The following FAM83G variants were observed in gnomAD, a reference collection of about 807,000 sequenced individuals.
FAM83G encodes the protein protein FAM83G.
In FAM83G, 38 loss-of-function variants were observed where a neutral mutation model predicts 61.5. The ratio of observed to expected loss-of-function variants is 0.62; its 90% confidence interval spans 0.48 to 0.81. The LOEUF (loss-of-function observed/expected upper bound fraction) is 0.81. Ranked by LOEUF, FAM83G falls within the 30% of genes least tolerant of loss-of-function variation. The pLI, the probability that FAM83G is intolerant of heterozygous loss-of-function variation, is 0.00. For synonymous variants in FAM83G, 470 were observed against 476.1 expected, an observed-to-expected ratio of 0.99 and a Z score of 0.17; for missense variants, 989 against 1,133.6, an observed-to-expected ratio of 0.87 and a Z score of 1.83.
Position 18,971,285 on chromosome 17 carries a change from C to A in FAM83G, c.*74G>T, listed in dbSNP as rs753987702. 1 of 1,609,392 alleles carries A rather than the reference C, an allele frequency of 6.2e-7. No homozygotes were observed. Among genetic ancestry groups the A allele is most frequent in the South Asian group, 1.1e-5 (1 of 90,904 alleles). ...CCCAGTGGGCTCTGGTAGGCCCAGG[C>A]GGCCTGTCTGCCCTCCGCGTCATGA... On this transcript the variant is annotated 3_prime_UTR_variant, in exon 6 of 6. Transcript: ENST00000388995. This position sits in a 1 kb window ranked among gnomAD's most constrained non-coding sequence, Gnocchi z 5.5.
intron 4 of FAM83G, 200 bp from the exon 5 acceptor site, chr17:18,979,050 C>A: frequency 3.2e-6 from 2 of 616,306 alleles, no homozygotes; most frequent in South Asian, 3.9e-5. Flanking sequence ...CAAGCCCATT[C>A]CCACCTCTGC....
At chr17:18,977,487 G>A (rs1359534611) in intron 5 of FAM83G, 97 bp downstream of exon 5, 1 of 1,236,736 alleles carries the variant, frequency 8.1e-7, no homozygotes. Flanking sequence ...AGTCATCAGA[G>A]TCAGGGACAT....
rs1331307968 is a variant in FAM83G at position 18,971,793 on chromosome 17, A to G, written c.2083-45T>C. On this transcript the variant is annotated intron_variant, in intron 5 of 5. Coordinates refer to ENST00000388995, the MANE Select transcript of FAM83G (RefSeq NM_001039999.3). The surrounding 1 kb of genome is among the most constrained non-coding windows in gnomAD (Gnocchi z 5.5). ...GAGTGAGGCTGAGCAAGAAGGGCCA[A>G]CCCCGCCCCAGCACAGGACCCTGCT... 6.6e-7 allele frequency: 1 copy of G among 1,519,398 alleles called. No individual in the cohort carries two copies. The highest frequency in any genetic ancestry group is 2.1e-5 in the Admixed American group (1 of 46,664). 94.1% of individuals were successfully genotyped at this position (1,519,398 alleles called of 1,614,324 possible). A position where few individuals can be genotyped will look rare whatever the true frequency, so the allele number is the denominator to read the frequency against.
chr17:18,976,882 G>C (rs755766055), intron 5 of FAM83G: 3 of 1,613,444 alleles, frequency 1.9e-6, no homozygotes, highest in South Asian at 2.2e-5. Flanking sequence ...CTGTCAGCCC[G>C]GGACCTGAAC....
Position 18,971,895 on chromosome 17 carries a change from G to T in FAM83G, c.2083-147C>A, listed in dbSNP as rs1431094747. ...ACCAGGGAGTGGGCCTAGACCAGTT[G>T]GTTTAGTCACTCGATGCCTCAGTTC... On this transcript the variant is annotated intron_variant, in intron 5 of 5. Coordinates refer to ENST00000388995, the MANE Select transcript of FAM83G (RefSeq NM_001039999.3). The surrounding 1 kb of genome is among the most constrained non-coding windows in gnomAD (Gnocchi z 5.5). 7 of 792,192 alleles carry T rather than the reference G, an allele frequency of 8.8e-6. No homozygotes were observed. The highest frequency in any genetic ancestry group is 1.4e-5 in the Non-Finnish European group (7 of 516,840). 49.1% of individuals were successfully genotyped at this position (792,192 alleles called of 1,614,324 possible).
rs1370385139 is a variant in FAM83G at position 19,000,202 on chromosome 17, G to C, written c.522+3318C>G. Reference sequence around the variant, plus strand: ...GGCAGGCAGTTGACCTTCCATCTTGGAGTAGGAGCCCACTAGGGCTGGAGG... The same window carrying C: ...GGCAGGCAGTTGACCTTCCATCTTGCAGTAGGAGCCCACTAGGGCTGGAGG... On this transcript the variant is annotated intron_variant, in intron 2 of 5. Transcript: ENST00000388995. The surrounding 1 kb of genome is among the most constrained non-coding windows in gnomAD (Gnocchi z 5.2). Among the ~76,000 whole-genome samples the C allele has an allele frequency of 6.6e-6, 1 of 152,122 alleles. No homozygotes were observed. The highest frequency in any genetic ancestry group is 2.4e-5 in the African/African-American group (1 of 41,422).
chr17:18,996,566 T>C lies in FAM83G; in HGVS notation c.522+6954A>G, dbSNP rs2043576931. Reference sequence around the variant, plus strand: ...ACTAGTTTAGCTAACAGTCTCATCTTGCCTCCCAGGGTAAAGGGAGTCTGT... The same window carrying C: ...ACTAGTTTAGCTAACAGTCTCATCTCGCCTCCCAGGGTAAAGGGAGTCTGT... On this transcript the variant is annotated intron_variant, in intron 2 of 5. Transcript: ENST00000388995. This position sits in a 1 kb window ranked among gnomAD's most constrained non-coding sequence, Gnocchi z 4.4. 6.6e-6 allele frequency among the ~76,000 whole-genome samples: 1 copy of C among 152,098 alleles called. No individual in the cohort carries two copies. The highest frequency in any genetic ancestry group is 2.1e-4 in the South Asian group (1 of 4,828).
In FAM83G at chr17:18,977,708, T is replaced by C. The variant is rs1567789976; in HGVS notation, c.1958A>G (p.His653Arg). 1 of 1,610,156 alleles carries C rather than the reference T, an allele frequency of 6.2e-7. No individual in the cohort carries two copies. Among genetic ancestry groups the C allele is most frequent in the South Asian group, 1.1e-5 (1 of 90,848 alleles). Residue 653 changes from histidine to arginine, a missense_variant, in exon 5 of 6, where the codon CAT (histidine) becomes CGT (arginine). His to Arg is a conservative substitution (Grantham distance 29). This residue lies in a region of FAM83G where 574 missense variants were observed against 645.1 expected (regional missense o/e 0.89). Coordinates refer to ENST00000388995, the MANE Select transcript of FAM83G (RefSeq NM_001039999.3). ...PPPRRQLSAP[H>R]ITRGTFVGPQ... ...TCCAACAAAGGTCCCTCGGGTTATA[T>C]GGGGGGCACTCAGCTGCCGGCGCGG...
At position 19,003,815 on chromosome 17, in the gene FAM83G, G is replaced by A. The variant is rs1035628909; in HGVS notation, c.227C>T (p.Pro76Leu). The change falls in exon 2 of 6, where the codon CCG becomes CTG. Residue 76 changes from proline (P) to leucine (L), a missense_variant. By Grantham distance (98) the Pro-to-Leu change is moderately conservative (BLOSUM62 -3). Coordinates refer to ENST00000388995, the MANE Select transcript of FAM83G (RefSeq NM_001039999.3). The surrounding 1 kb of genome is among the most constrained non-coding windows in gnomAD (Gnocchi z 4.5). ...CGTGCCCCGAGGGTCCTCAGAGCCC[G>A]GGTCGTACACCTCGATGGTCTCCAG... is the stretch of plus-strand genomic sequence containing the variant. ...RILETIEVYD[P>L]GSEDPRGTGP... is the part of the protein sequence containing the mutation. 7 of 1,612,734 alleles carry A rather than the reference G, an allele frequency of 4.3e-6. No individual in the cohort carries two copies. Among genetic ancestry groups the A allele is most frequent in the African/African-American group, 1.3e-5 (1 of 74,906 alleles).
intron 3 of FAM83G, among the ~76,000 whole-genome samples, chr17:18,985,371 G>GT (rs2043244514): frequency 6.6e-6 from 1 of 152,210 alleles, no homozygotes; most frequent in Non-Finnish European, 1.5e-5. Context: ...CTGGCTCCTG[G>GT]TATCACCCCC....
At position 18,971,207 on chromosome 17, in the gene FAM83G, T is replaced by C; in HGVS notation, c.*152A>G. 2 of 1,613,906 alleles carry C rather than the reference T, an allele frequency of 1.2e-6. No homozygotes were observed. The highest frequency in any genetic ancestry group is 1.7e-6 in the Non-Finnish European group (2 of 1,180,028). On this transcript the variant is annotated 3_prime_UTR_variant, in exon 6 of 6. Transcript: ENST00000388995. This position sits in a 1 kb window ranked among gnomAD's most constrained non-coding sequence, Gnocchi z 5.5. ...GACCATCATGGCCACCTGGTACTGG[T>C]GCACCGACCAGGTGAGTGCCAACGT...
intron 3 of FAM83G, among the ~76,000 whole-genome samples, chr17:18,982,676 GC>G (rs1394014028): frequency 2.0e-5 from 3 of 152,142 alleles, no homozygotes; most frequent in African/African-American, 7.2e-5. Context: ...ACAGCAACCT[GC>G]CCCCAATCCC....
rs2043574258 is a variant in FAM83G at position 18,996,405 on chromosome 17, C to T, written c.522+7115G>A. ...GGGGCTGGCAGAATTAGTGACATGC[C>T]ATCTGAAGAGGCCCAAGAAGGTTCT... is the stretch of plus-strand genomic sequence containing the variant. On this transcript the variant is annotated intron_variant, in intron 2 of 5. Coordinates refer to ENST00000388995, the MANE Select transcript of FAM83G (RefSeq NM_001039999.3). The surrounding 1 kb of genome is among the most constrained non-coding windows in gnomAD (Gnocchi z 4.4). Among the ~76,000 whole-genome samples, 1 of 152,090 alleles carries T rather than the reference C, an allele frequency of 6.6e-6. No individual in the cohort carries two copies. The highest frequency in any genetic ancestry group is 6.5e-5 in the Admixed American group (1 of 15,272).
At chr17:18,993,016 G>A (rs1300261552) in intron 2 of FAM83G, among the ~76,000 whole-genome samples, 4 of 152,218 alleles carry the variant, frequency 2.6e-5, no homozygotes, top group African/African-American at 9.7e-5. Flanking sequence ...CTCGCAGGAC[G>A]AGTAGGTAGA....
At chr17:18,986,670 G>A (rs533598201) in intron 3 of FAM83G, among the ~76,000 whole-genome samples, 87 of 152,360 alleles carry the variant, frequency 5.7e-4, no homozygotes, top group African/African-American at 1.5e-3. Flanking sequence ...GGAAGGCGAG[G>A]CCTCTGGAGT....
intron 5 of FAM83G, among the ~76,000 whole-genome samples, chr17:18,972,867 T>C (rs1396120722): frequency 7.3e-6 from 1 of 137,818 alleles, no homozygotes; most frequent in Non-Finnish European, 1.6e-5. Context: ...AGACTCCGTC[T>C]AAAAAAAAAA....
In FAM83G at chr17:18,978,181, CT is replaced by C. The variant is rs779089897; in HGVS notation, c.1484del (p.Gln495ArgfsTer22). The C allele has an allele frequency of 6.5e-7, 1 of 1,547,070 alleles. No homozygotes were observed. The part of the protein sequence containing the change: ...DGVPAENGLP[Q>X]GDPEPLPPVP... ...CGGGGGGCAATGGCTCAGGGTCCCC[CT>C]GGGGGAGGCCGTTCTCAGCTGGGAC... On this transcript the variant is annotated frameshift_variant, in exon 5 of 6. Transcript: ENST00000388995. LOFTEE classifies it high-confidence loss of function.
intron 3 of FAM83G, among the ~76,000 whole-genome samples, chr17:18,983,372 G>A (rs567907350): frequency 6.6e-6 from 1 of 152,382 alleles, no homozygotes; most frequent in East Asian, 1.9e-4. Context: ...AGCCATGTAG[G>A]CAGCACCAGG....
intron 3 of FAM83G, among the ~76,000 whole-genome samples, chr17:18,983,655 C>T (rs1247932201): frequency 6.6e-6 from 1 of 152,140 alleles, no homozygotes; most frequent in Non-Finnish European, 1.5e-5. Flanking sequence ...AGGTGCAGGC[C>T]TCCAGCAGCC....
Sources: allele counts gnomAD v4.1 joint callset (sites outside exome capture counted in the v4.1 genomes callset), GRCh38; gene constraint gnomAD v4.1.1; regional missense constraint gnomAD v4.1.1; non-coding constraint Gnocchi (gnomAD v3.1); transcripts MANE v1.5; gene names NCBI Gene and HGNC (gene_info 2026-07-23, HGNC 2026-07-21).